CDH12: variants seen among roughly 807,000 people sequenced by gnomAD.
CDH12 encodes cadherin 12.
A neutral mutation model predicts 74.1 loss-of-function variants in CDH12; 41 were observed. The ratio of observed to expected loss-of-function variants is 0.55; its 90% CI spans 0.43 to 0.72. The LOEUF is 0.72. CDH12 is among the 30% of genes least tolerant of loss of function. CDH12 has a pLI of 0.00. For missense variants in CDH12, 945 were observed against 977.2 expected (o/e 0.97, Z 0.44); for synonymous variants, 399 against 355.0 (o/e 1.12, Z -1.39).
chr5:21,843,265 C>T (rs1437165796), intron 7 of CDH12, among the ~76,000 whole-genome samples: 1 of 152,080 alleles, frequency 6.6e-6, no homozygotes, highest in Non-Finnish European at 1.5e-5. Flanking sequence ...ATGCTACTTT[C>T]TTTAAGTAGC....
intron 2 of CDH12, among the ~76,000 whole-genome samples, chr5:22,409,729 C>T (rs1743100356): frequency 6.6e-6 from 1 of 152,032 alleles, no homozygotes; most frequent in Non-Finnish European, 1.5e-5. Flanking sequence ...TGATGAGATA[C>T]TGAAATACAG....
Position 22,329,850 on chromosome 5 carries a change from T to C in CDH12, c.-333+75407A>G, listed in dbSNP as rs1391419714. ...TTCATCCATTTTATCAGTGGGAACT[T>C]GAGGTTCTTGGCAGGCCCTGCCACT... is the stretch of plus-strand genomic sequence containing the variant. On this transcript the variant is annotated intron_variant, in intron 3 of 14. Transcript: ENST00000382254. 4.6e-5 allele frequency among the ~76,000 whole-genome samples: 7 copies of C among 152,298 alleles called. No individual in the cohort carries two copies. The South Asian group carries it at 1.2e-3, about 27-fold the overall frequency.
At chr5:22,700,394 C>T (rs1481710340) in intron 1 of CDH12, among the ~76,000 whole-genome samples, 3 of 152,308 alleles carry the variant, frequency 2.0e-5, no homozygotes, top group Admixed American at 2.0e-4. Context: ...CTTCCCCTCA[C>T]CACATGGGCA....
intron 6 of CDH12, among the ~76,000 whole-genome samples, chr5:21,943,952 A>C (rs1193408696): frequency 2.0e-5 from 3 of 152,184 alleles, no homozygotes; most frequent in African/African-American, 7.2e-5. Context: ...AGTTATAAAA[A>C]AAATAAGAAA....
At chr5:22,380,835 T>C (rs984973304) in intron 3 of CDH12, among the ~76,000 whole-genome samples, 3 of 152,122 alleles carry the variant, frequency 2.0e-5, no homozygotes, top group Non-Finnish European at 4.4e-5. Context: ...TCTCAAACTC[T>C]CTTTACTGTC....
intron 1 of CDH12, among the ~76,000 whole-genome samples, chr5:22,790,494 A>G (rs28738681): frequency 0.057 from 8,688 of 152,152 alleles, 805 homozygotes; most frequent in African/African-American, 0.2. Context: ...AAAATGATCA[A>G]TGTAACTTTC....
intron 5 of CDH12, among the ~76,000 whole-genome samples, chr5:22,048,994 T>C: frequency 6.6e-6 from 1 of 152,092 alleles, no homozygotes; most frequent in Non-Finnish European, 1.5e-5. Context: ...TATTTATGAG[T>C]TATACATTAT....
At chr5:21,845,938 C>A (rs544398156) in intron 7 of CDH12, among the ~76,000 whole-genome samples, 150 of 152,202 alleles carry the variant, frequency 9.9e-4, no homozygotes, top group African/African-American at 3.4e-3. Flanking sequence ...GATAAGCAAG[C>A]TGGAAGCTTG....
At chr5:22,129,461 G>T (rs1005486891) in intron 4 of CDH12, among the ~76,000 whole-genome samples, 9 of 152,106 alleles carry the variant, frequency 5.9e-5, no homozygotes, top group Non-Finnish European at 8.8e-5. Flanking sequence ...CTCAGCAGAG[G>T]TACAAAACGG....
chr5:21,968,094 C>T (rs1414661044), intron 6 of CDH12, among the ~76,000 whole-genome samples: 1 of 152,186 alleles, frequency 6.6e-6, no homozygotes, highest in Non-Finnish European at 1.5e-5. Flanking sequence ...ATGGTAAATA[C>T]TGAGCTCACA....
chr5:22,140,260 A>G (rs2150296888), intron 4 of CDH12, among the ~76,000 whole-genome samples: 1 of 148,760 alleles, frequency 6.7e-6, no homozygotes, highest in African/African-American at 2.6e-5. Flanking sequence ...AAAAAGGCAC[A>G]TTTTTCATAC....
chr5:21,843,806 A>G (rs1305677521), intron 7 of CDH12, among the ~76,000 whole-genome samples: 2 of 152,072 alleles, frequency 1.3e-5, no homozygotes, highest in Non-Finnish European at 1.5e-5. Flanking sequence ...TCTACCGATG[A>G]GTGTTCTGGT....
At chr5:22,699,417 A>T (rs1742591254) in intron 1 of CDH12, among the ~76,000 whole-genome samples, 1 of 151,284 alleles carries the variant, frequency 6.6e-6, no homozygotes. Context: ...AGATTTACTA[A>T]TGTATCGAAA....
intron 5 of CDH12, among the ~76,000 whole-genome samples, chr5:21,994,840 G>C (rs1214023170): frequency 6.6e-6 from 1 of 152,036 alleles, no homozygotes; most frequent in Admixed American, 6.6e-5. Flanking sequence ...TGTAAAAACG[G>C]ACCAATCAGC....
intron 5 of CDH12, among the ~76,000 whole-genome samples, chr5:22,054,718 T>C (rs1740619877): frequency 6.6e-6 from 1 of 152,180 alleles, no homozygotes; most frequent in South Asian, 2.1e-4. Flanking sequence ...TTACCTGTGC[T>C]GAATGTATGT....
intron 6 of CDH12, among the ~76,000 whole-genome samples, chr5:21,901,567 C>T (rs1326113377): frequency 6.6e-6 from 1 of 152,194 alleles, no homozygotes; most frequent in Non-Finnish European, 1.5e-5. Context: ...TGCTTCAATG[C>T]TTTCTGATTT....
Position 22,649,836 on chromosome 5 carries a change from CA to C in CDH12, c.-522-144473del, listed in dbSNP as rs200378825. Among the ~76,000 whole-genome samples, 126 of 151,964 alleles carry C rather than the reference CA, an allele frequency of 8.3e-4. 2 individuals carry two copies. In the East Asian group the frequency reaches 0.019, roughly 23 times the overall value. On this transcript the variant is annotated intron_variant, in intron 1 of 14. Coordinates refer to ENST00000382254, the MANE Select transcript of CDH12 (RefSeq NM_004061.5). The stretch of plus-strand genomic sequence containing the variant: ...ATTATTAGAGAACCTCAATTCTATA[CA>C]AAAAACATGCACAACATTCACAACA...
intron 5 of CDH12, among the ~76,000 whole-genome samples, chr5:22,068,872 A>G (rs1741743766): frequency 1.3e-5 from 2 of 152,114 alleles, no homozygotes. Flanking sequence ...ACAGACTTCC[A>G]CTCACCAAAG....
At chr5:22,547,548 CT>C (rs1738388066) in intron 1 of CDH12, among the ~76,000 whole-genome samples, 1 of 152,116 alleles carries the variant, frequency 6.6e-6, no homozygotes. Flanking sequence ...AATAGTGCTT[CT>C]TTCTATTTCT....
Sources: allele counts gnomAD v4.1 joint callset (sites outside exome capture counted in the v4.1 genomes callset), GRCh38; gene constraint gnomAD v4.1.1; transcripts MANE v1.5; gene names NCBI Gene and HGNC (gene_info 2026-07-23, HGNC 2026-07-21).